The following PDCD11 variants were observed in gnomAD, a reference collection of about 807,000 sequenced individuals.
The protein encoded by PDCD11 is programmed cell death 11, also known as protein RRP5 homolog.
PDCD11 carries 97 observed loss-of-function variants against 198.9 expected under a neutral mutation model. The observed-to-expected ratio is 0.49, with a 90% CI of 0.41 to 0.58. PDCD11 has a LOEUF of 0.58. PDCD11 is among the 20% of genes least tolerant of loss of function. The pLI, the probability that PDCD11 is intolerant of heterozygous loss-of-function variation, is 0.00. For synonymous variants in PDCD11, 893 were observed against 918.0 expected (o/e 0.97, Z 0.49); for missense variants, 2,102 against 2,312.7 (o/e 0.91, Z 1.87).
In PDCD11 at chr10:103,440,203, G is replaced by A; in HGVS notation, c.4149-87G>A. The A allele has an allele frequency of 3.3e-6, 5 of 1,524,712 alleles. No homozygotes were observed. In the South Asian group the frequency reaches 6.7e-5, roughly 20 times the overall value. The allele number at this position is 1,524,712 out of a possible 1,614,324, so 94.4% of individuals were successfully genotyped here. A position where few individuals can be genotyped will look rare whatever the true frequency, so the allele number is the denominator to read the frequency against. On this transcript the variant is annotated intron_variant, in intron 28 of 35. Transcript: ENST00000369797. ...ATGGGGGCAGGGCCCAGAATCGTGGGCTGATCAGGAGGAAAAAGGCCTGGG... is the reference window on the plus strand; with the variant it reads ...ATGGGGGCAGGGCCCAGAATCGTGGACTGATCAGGAGGAAAAAGGCCTGGG...
intron 4 of PDCD11, 114 bp from the exon 5 acceptor site, chr10:103,404,908 C>T (rs2030353538): frequency 1.1e-6 from 1 of 914,796 alleles, no homozygotes; most frequent in Non-Finnish European, 1.6e-6. Flanking sequence ...TCCTCACCCA[C>T]CTTTTGGGTT....
intron 1 of PDCD11, 137 bp from the exon 2 acceptor site, chr10:103,398,279 T>A: frequency 3.2e-6 from 2 of 618,672 alleles, no homozygotes; most frequent in East Asian, 2.7e-5. Flanking sequence ...GGGCCTGACA[T>A]CTAAACCATC....
chr10:103,442,539 T>G, intron 32 of PDCD11, 79 bp downstream of exon 32: 1 of 1,520,532 alleles, frequency 6.6e-7, no homozygotes, highest in Non-Finnish European at 8.9e-7. Flanking sequence ...GGGTAGCTCC[T>G]CCTAGGCAGG....
rs763896759 is a variant in PDCD11 at position 103,438,774 on chromosome 10, G to A, written c.3991G>A (p.Val1331Ile). The A allele has an allele frequency of 5.0e-6, 8 of 1,614,172 alleles. No homozygotes were observed. The highest frequency in any genetic ancestry group is 6.8e-6 in the Non-Finnish European group (8 of 1,180,030). ...GGAAGGGCAGCTTCTGAGGGGCTAT[G>A]TAGGGTCCATCCAGCCACACGGTGT... ...IKEGQLLRGYVGSIQPHGVFF... is the reference protein window; with the variant it reads ...IKEGQLLRGYIGSIQPHGVFF... The change falls in exon 27 of 36, where the codon GTA becomes ATA. Residue 1331 changes from valine to isoleucine, a missense_variant. Transcript: ENST00000369797.
intron 6 of PDCD11, 88 bp downstream of exon 6, chr10:103,406,196 C>A: frequency 6.8e-7 from 1 of 1,472,730 alleles, no homozygotes; most frequent in Non-Finnish European, 9.4e-7. Context: ...AGTAACATGA[C>A]AGAATGGTGA....
chr10:103,437,987 C>G (rs542280064), intron 25 of PDCD11, 28 bp from the exon 26 acceptor site: 1 of 1,601,568 alleles, frequency 6.2e-7, no homozygotes. Flanking sequence ...GAAAATTGAG[C>G]GTTTCCTTCT....
At position 103,444,082 on chromosome 10, in the gene PDCD11, CCCAGCT is replaced by C; in HGVS notation, c.5278+17_5278+22del. 6.2e-7 allele frequency: 1 copy of C among 1,606,776 alleles called. No homozygotes were observed. The highest frequency in any genetic ancestry group is 8.5e-7 in the Non-Finnish European group (1 of 1,177,364). On this transcript the variant is annotated intron_variant, in intron 34 of 35. Coordinates refer to ENST00000369797, the MANE Select transcript of PDCD11 (RefSeq NM_014976.2). ...CTAGCAAGGAGCGTGAGTGCTCATTCCCAGCTCCTGAGCCCATGAGCACTCCAGGAT... is the reference window on the plus strand; with the variant it reads ...CTAGCAAGGAGCGTGAGTGCTCATTCCCTGAGCCCATGAGCACTCCAGGAT...
At chr10:103,400,689 A>G (rs2029978947) in intron 3 of PDCD11, among the ~76,000 whole-genome samples, 161 bp downstream of exon 3, 2 of 152,010 alleles carry the variant, frequency 1.3e-5, no homozygotes, top group African/African-American at 4.8e-5. Flanking sequence ...AATTTATGCT[A>G]AGGAGTAAGC....
At chr10:103,408,538 ATTAT>A (rs1157096711) in intron 7 of PDCD11, among the ~76,000 whole-genome samples, 5 of 151,640 alleles carry the variant, frequency 3.3e-5, no homozygotes, top group Non-Finnish European at 4.4e-5. Context: ...AATTTTTATA[ATTAT>A]TTATTTATTT....
intron 3 of PDCD11, 70 bp from the exon 4 acceptor site, chr10:103,403,048 G>A (rs1032691663): frequency 2.5e-5 from 36 of 1,426,810 alleles, no homozygotes; most frequent in Non-Finnish European, 3.3e-5. Context: ...GACACTAGAA[G>A]CCAGACCTTC....
intron 1 of PDCD11, 134 bp from the exon 2 acceptor site, chr10:103,398,282 A>T: frequency 1.6e-6 from 1 of 623,082 alleles, no homozygotes. Context: ...CCTGACATCT[A>T]AACCATCTAT....
Position 103,397,143 on chromosome 10 carries a change from C to T in PDCD11, c.-12+413C>T, listed in dbSNP as rs556767973. ...AAGTGTCTGTCAGAACTAACCTCTC[C>T]TGTCTTCTGTTTTCACTTATACCCA... is the stretch of plus-strand genomic sequence containing the variant. On this transcript the variant is annotated intron_variant, in intron 1 of 35. Coordinates refer to ENST00000369797, the MANE Select transcript of PDCD11 (RefSeq NM_014976.2). Among the ~76,000 whole-genome samples the T allele has an allele frequency of 2.0e-5, 3 of 152,032 alleles. No homozygotes were observed. In the South Asian group the frequency reaches 6.2e-4, roughly 32 times the overall value.
intron 8 of PDCD11, among the ~76,000 whole-genome samples, chr10:103,411,422 A>G (rs975351389): frequency 2.0e-5 from 3 of 152,274 alleles, no homozygotes; most frequent in Middle Eastern, 6.8e-3. Context: ...GTGGAGTACA[A>G]TGGCACAACC....
At chr10:103,420,270 A>G (rs758868247) in intron 16 of PDCD11, among the ~76,000 whole-genome samples, 14 of 152,078 alleles carry the variant, frequency 9.2e-5, no homozygotes, top group Non-Finnish European at 1.9e-4. Context: ...TACACATTGA[A>G]GGCCTTAGTC....
intron 32 of PDCD11, among the ~76,000 whole-genome samples, 159 bp from the exon 33 acceptor site, chr10:103,443,006 G>T (rs1327185932): frequency 6.6e-6 from 1 of 152,126 alleles, no homozygotes; most frequent in Non-Finnish European, 1.5e-5. Context: ...AATGCTGCAG[G>T]AGCTGTGGGG....
rs181814019 is a variant in PDCD11, at chr10:103,409,216, C to T, written c.871-483C>T. Among the ~76,000 whole-genome samples, 4 of 152,286 alleles carry T rather than the reference C, an allele frequency of 2.6e-5. No individual in the cohort carries two copies. In the East Asian group the frequency reaches 7.7e-4, roughly 29 times the overall value. ...TCTCTGATTTCATTCATCTCCCTCA[C>T]CACTATCTTTTGAGGGGATTGTTAC... On this transcript the variant is annotated intron_variant, in intron 7 of 35. Transcript: ENST00000369797.
rs2093438021 is a variant in PDCD11, at chr10:103,396,729, T to C, written c.-13T>C. ...TAGCTGGGTGCAGACGCCGTGGCGCTGGTGAGTAAAGGCAGAGGCGAAAAA... is the reference window on the plus strand; with the variant it reads ...TAGCTGGGTGCAGACGCCGTGGCGCCGGTGAGTAAAGGCAGAGGCGAAAAA... On this transcript the variant is annotated splice_region_variant and 5_prime_UTR_variant, in exon 1 of 36. Transcript: ENST00000369797. The C allele has an allele frequency of 6.6e-6, 1 of 152,570 alleles. No individual in the cohort carries two copies. Among genetic ancestry groups the C allele is most frequent in the South Asian group, 2.1e-4 (1 of 4,842 alleles). The allele number at this position is 152,570 out of a possible 1,614,324, so 9.5% of individuals were successfully genotyped here.
intron 6 of PDCD11, 90 bp from the exon 7 acceptor site, chr10:103,406,519 A>G (rs17735658): frequency 0.011 from 12,766 of 1,173,086 alleles, 117 homozygotes; most frequent in Non-Finnish European, 0.013. Context: ...CAGGTAGGCC[A>G]TGGGTCTTTT....
rs776733740 is a variant in PDCD11, at chr10:103,442,223, G to A, written c.4718G>A (p.Ser1573Asn). 5.0e-6 allele frequency: 8 copies of A among 1,613,916 alleles called. No homozygotes were observed. The East Asian group carries it at 1.3e-4, about 27-fold the overall frequency. ...EKPHQATIKK[S>N]KKERELEKQK... ...TGCTTTCCATAGCAGATAAAGAAAA[G>A]CAAGAAAGAAAGGGAGTTGGAGAAG... Residue 1573 changes from serine to asparagine, a missense_variant, in exon 32 of 36, where the codon AGC becomes AAC. Ser to Asn is a conservative substitution (Grantham distance 46). Coordinates refer to ENST00000369797, the MANE Select transcript of PDCD11 (RefSeq NM_014976.2).
Sources: gnomAD v4.1 joint callset for allele counts (sites outside exome capture counted in the v4.1 genomes callset) on GRCh38, gnomAD v4.1.1 for gene constraint, MANE v1.5 for transcripts, NCBI Gene and HGNC (gene_info 2026-07-23, HGNC 2026-07-21) for gene names.